The following ROR1 variants were observed in gnomAD, a reference collection of about 807,000 sequenced individuals.
The protein encoded by ROR1 is ROR family WNT receptor 1.
In ROR1, 19 loss-of-function variants were observed where a neutral mutation model predicts 78.8. The observed-to-expected ratio is 0.24, with a 90% CI of 0.17 to 0.35. ROR1 has a LOEUF of 0.35. ROR1 is among the 10% of genes least tolerant of loss of function. ROR1 has a pLI of 1.00. For missense variants in ROR1, 917 were observed against 1,177.8 expected, an observed-to-expected ratio of 0.78 and a Z score of 3.24; for synonymous variants, 386 against 433.6, an observed-to-expected ratio of 0.89 and a Z score of 1.36.
chr1:63,933,970 A>T (rs1645774343), intron 1 of ROR1, among the ~76,000 whole-genome samples: 1 of 152,178 alleles, frequency 6.6e-6, no homozygotes, highest in Non-Finnish European at 1.5e-5. Context: ...GTGAGGGCTG[A>T]TGGGAGCACC....
chr1:63,866,263 G>T (rs752614327), intron 1 of ROR1, among the ~76,000 whole-genome samples: 5 of 151,886 alleles, frequency 3.3e-5, no homozygotes, highest in African/African-American at 4.8e-5. Flanking sequence ...TGTACTTCTT[G>T]TGGTCTGGAG....
intron 2 of ROR1, among the ~76,000 whole-genome samples, chr1:64,013,990 C>T (rs901349164): frequency 6.6e-6 from 1 of 152,266 alleles, no homozygotes; most frequent in Non-Finnish European, 1.5e-5. Flanking sequence ...TCACACCACC[C>T]TTTGCAATAG....
chr1:63,948,803 G>C (rs534197115), intron 1 of ROR1, among the ~76,000 whole-genome samples: 2 of 152,158 alleles, frequency 1.3e-5, no homozygotes, highest in Non-Finnish European at 2.9e-5. Context: ...ACAGCAAAAA[G>C]AAAGCCCTGT....
intron 1 of ROR1, among the ~76,000 whole-genome samples, chr1:63,856,515 A>G (rs903146227): frequency 2.6e-5 from 4 of 152,080 alleles, no homozygotes; most frequent in African/African-American, 9.7e-5. Flanking sequence ...CTCTTTCTGC[A>G]GCTCTCTTTT....
At chr1:63,991,401 G>T (rs285359) in intron 1 of ROR1, among the ~76,000 whole-genome samples, 131,101 of 152,216 alleles carry the variant, frequency 0.86, 56,830 homozygotes, top group East Asian at 0.99. Flanking sequence ...TTTCAGATAT[G>T]TGCAGTTGCC....
chr1:63,972,830 T>G (rs1646129365), intron 1 of ROR1, among the ~76,000 whole-genome samples: 1 of 152,264 alleles, frequency 6.6e-6, no homozygotes, highest in South Asian at 2.1e-4. Context: ...TTCCATTTTT[T>G]CAAGAAAAGC....
At chr1:63,848,046 G>T (rs979474647) in intron 1 of ROR1, among the ~76,000 whole-genome samples, 1 of 152,186 alleles carries the variant, frequency 6.6e-6, no homozygotes, top group African/African-American at 2.4e-5. Flanking sequence ...AAATCGAAGA[G>T]AAAACTTAAG....
intron 1 of ROR1, among the ~76,000 whole-genome samples, chr1:63,955,359 C>G (rs944557267): frequency 2.6e-5 from 4 of 152,114 alleles, no homozygotes; most frequent in African/African-American, 9.7e-5. Flanking sequence ...TTCCCCATCT[C>G]CCTCAGATAA....
At chr1:64,106,007 T>TA (rs1647788861) in intron 4 of ROR1, 1 of 152,034 alleles carries the variant, frequency 6.6e-6, no homozygotes, top group South Asian at 2.1e-4. Flanking sequence ...ACGTCAATGG[T>TA]AGCTTGATGA....
intron 4 of ROR1, chr1:64,108,269 T>C (rs1033669370): frequency 6.6e-6 from 1 of 151,394 alleles, no homozygotes; most frequent in African/African-American, 2.4e-5. Flanking sequence ...TGGTGGTACA[T>C]GCCTGTAATC....
intron 1 of ROR1, among the ~76,000 whole-genome samples, chr1:63,920,633 G>T (rs1327622147): frequency 6.6e-6 from 1 of 152,104 alleles, no homozygotes; most frequent in Non-Finnish European, 1.5e-5. Context: ...TTTGCTTTTC[G>T]CTACTCTGCC....
chr1:64,167,203 G>T (rs1027136910), intron 8 of ROR1, among the ~76,000 whole-genome samples: 1 of 152,170 alleles, frequency 6.6e-6, no homozygotes, highest in African/African-American at 2.4e-5. Flanking sequence ...TTATGAGCAC[G>T]TGATGGCTCA....
At chr1:64,038,778 TC>T (rs1646723644) in intron 2 of ROR1, among the ~76,000 whole-genome samples, 1 of 152,154 alleles carries the variant, frequency 6.6e-6, no homozygotes, top group Non-Finnish European at 1.5e-5. Context: ...TAAAAATAGA[TC>T]CGTTCATCTC....
At chr1:64,034,786 A>G (rs545830211) in intron 2 of ROR1, among the ~76,000 whole-genome samples, 6 of 152,314 alleles carry the variant, frequency 3.9e-5, no homozygotes, top group African/African-American at 1.4e-4. Context: ...GACATTTTCC[A>G]TTAAAATATA....
chr1:63,997,330 C>G (rs1557601169), intron 1 of ROR1, among the ~76,000 whole-genome samples: 1 of 152,154 alleles, frequency 6.6e-6, no homozygotes, highest in Non-Finnish European at 1.5e-5. Flanking sequence ...AAATAATTTT[C>G]TATGTAAAAG....
At chr1:64,034,787 T>C (rs1470408721) in intron 2 of ROR1, among the ~76,000 whole-genome samples, 2 of 152,158 alleles carry the variant, frequency 1.3e-5, no homozygotes, top group African/African-American at 2.4e-5. Context: ...ACATTTTCCA[T>C]TAAAATATAT....
chr1:63,826,261 A>G (rs180795458), intron 1 of ROR1, among the ~76,000 whole-genome samples: 50 of 152,000 alleles, frequency 3.3e-4, no homozygotes, highest in African/African-American at 9.6e-4. Context: ...CCACCTTCCT[A>G]TATGCCCTAG....
rs760907729 is a variant in ROR1 at position 64,140,367 on chromosome 1, G to A, written c.869G>A (p.Ser290Asn). The A allele has an allele frequency of 6.2e-6, 10 of 1,613,518 alleles. No homozygotes were observed. The highest frequency in any genetic ancestry group is 5.0e-5 in the Admixed American group (3 of 59,956). The change falls in exon 6 of 9, where the codon AGC becomes AAC. Residue 290 changes from serine to asparagine, a missense_variant. By Grantham distance (46) the Ser-to-Asn change is conservative. Coordinates refer to ENST00000371079, the MANE Select transcript of ROR1 (RefSeq NM_005012.4). ...TGTGAAGATCTCCCCCAGCCAGAGA[G>A]CCCAGAAGCTGCGAACTGTATCCGG... ...PNCEDLPQPE[S>N]PEAANCIRIG...
chr1:63,854,681 A>G (rs1323567173), intron 1 of ROR1, among the ~76,000 whole-genome samples: 2 of 152,228 alleles, frequency 1.3e-5, no homozygotes, highest in African/African-American at 4.8e-5. Context: ...GTCTGTGCTT[A>G]GATAGTATCT....
Sources: allele counts gnomAD v4.1 joint callset (sites outside exome capture counted in the v4.1 genomes callset), GRCh38; gene constraint gnomAD v4.1.1; transcripts MANE v1.5; gene names NCBI Gene and HGNC (gene_info 2026-07-23, HGNC 2026-07-21).